RBFOX3: variants seen among roughly 807,000 people sequenced by gnomAD.
The protein encoded by RBFOX3 is RNA binding fox-1 homolog 3, also known as RNA binding protein fox-1 homolog 3.
Under a neutral mutation model 48.7 loss-of-function variants are expected in RBFOX3, and 17 were observed. That is an observed-to-expected ratio of 0.35 (90% CI 0.24 to 0.52). RBFOX3 has a LOEUF of 0.52. Among genes scored for constraint, RBFOX3 ranks in the 20% least tolerant of loss-of-function variants. The pLI is 0.94. For missense variants in RBFOX3, 382 were observed against 497.5 expected (o/e 0.77, Z 2.21); for synonymous variants, 212 against 209.5 (o/e 1.01, Z -0.10).
At chr17:79,451,481 A>T (rs2073498078) in intron 2 of RBFOX3, among the ~76,000 whole-genome samples, 1 of 152,192 alleles carries the variant, frequency 6.6e-6, no homozygotes, top group Admixed American at 6.5e-5. Context: ...CCTAGAGACA[A>T]ATCTCTTCAC....
rs2064180217 is a variant in RBFOX3 at position 79,252,805 on chromosome 17, C to T, written c.-73-17000G>A. ...CTTCCTTTTTGGGTCTTCATGTCCA[C>T]AGAGAGTGAGGCGTGGACCCAGGCT... On this transcript the variant is annotated intron_variant, in intron 3 of 14. Transcript: ENST00000693108. The surrounding 1 kb of genome is among the most constrained non-coding windows in gnomAD (Gnocchi z 4.0). Among the ~76,000 whole-genome samples, 6 of 152,190 alleles carry T rather than the reference C, an allele frequency of 3.9e-5. No individual in the cohort carries two copies. The highest frequency in any genetic ancestry group is 3.9e-4 in the Admixed American group (6 of 15,276).
At chr17:79,223,541 A>G (rs1271799370) in intron 4 of RBFOX3, among the ~76,000 whole-genome samples, 2 of 152,228 alleles carry the variant, frequency 1.3e-5, no homozygotes, top group Non-Finnish European at 2.9e-5. Flanking sequence ...AGATCCTGGC[A>G]TGGAAACCCG....
rs1055536160 is a variant in RBFOX3, at chr17:79,230,548, G to C, written c.-34+5218C>G. 2.4e-4 allele frequency among the ~76,000 whole-genome samples: 37 copies of C among 152,052 alleles called. 1 individual carries two copies. Among genetic ancestry groups the C allele is most frequent in the African/African-American group, 4.6e-4 (19 of 41,404 alleles). On this transcript the variant is annotated intron_variant, in intron 4 of 14. Transcript: ENST00000693108. ...TGCTGGGATTACAGGGGTGAGCCAC[G>C]GCACCCGGCTCTCCTTATTCTTTAC... is the stretch of plus-strand genomic sequence containing the variant.
chr17:79,638,251 T>C, the RBFOX3 span, among the ~76,000 whole-genome samples: 1 of 144,068 alleles, frequency 6.9e-6, no homozygotes, highest in Non-Finnish European at 1.5e-5. Flanking sequence ...AGAGCAGACA[T>C]AAGTCAAATA....
At chr17:79,621,282 AG>A in the RBFOX3 span, among the ~76,000 whole-genome samples, 1 of 151,982 alleles carries the variant, frequency 6.6e-6, no homozygotes, top group African/African-American at 2.4e-5. Context: ...TACAGGTGTG[AG>A]CCACCACGCC....
At chr17:79,206,349 A>G (rs1325953585) in intron 4 of RBFOX3, among the ~76,000 whole-genome samples, 1 of 152,192 alleles carries the variant, frequency 6.6e-6, no homozygotes, top group African/African-American at 2.4e-5. Context: ...CGAGGGCTCT[A>G]TAGCAGGTCC....
chr17:79,207,973 C>T (rs368441089), intron 4 of RBFOX3, among the ~76,000 whole-genome samples: 6 of 152,270 alleles, frequency 3.9e-5, no homozygotes, highest in East Asian at 3.9e-4. Flanking sequence ...TCCGGGACCG[C>T]GGGAGCCTCG....
At chr17:79,614,142 C>A (rs1212554650), upstream of RBFOX3, among the ~76,000 whole-genome samples, 1 of 152,228 alleles carries the variant, frequency 6.6e-6, no homozygotes, top group African/African-American at 2.4e-5. Context: ...ACAATGGAAT[C>A]CCCCGAAGGC....
At chr17:79,448,603 T>C (rs1372723197) in intron 2 of RBFOX3, among the ~76,000 whole-genome samples, 1 of 152,156 alleles carries the variant, frequency 6.6e-6, no homozygotes, top group African/African-American at 2.4e-5. Context: ...AGCACAGCCC[T>C]GCCCACACCT....
At chr17:79,449,730 C>A (rs2073102200) in intron 2 of RBFOX3, among the ~76,000 whole-genome samples, 2 of 151,780 alleles carry the variant, frequency 1.3e-5, no homozygotes, top group African/African-American at 4.8e-5. Context: ...TGGCAGGTGA[C>A]CCCAGCTCTG....
chr17:79,630,806 G>A, the RBFOX3 span, among the ~76,000 whole-genome samples: 6 of 152,088 alleles, frequency 3.9e-5, no homozygotes, highest in South Asian at 2.1e-4. Flanking sequence ...ATAATGCAGC[G>A]GGTCTGCATT....
rs2061438608 is a variant in RBFOX3, at chr17:79,392,040, A to G, written c.-174-84216T>C. Among the ~76,000 whole-genome samples the G allele has an allele frequency of 6.6e-6, 1 of 152,178 alleles. No individual in the cohort carries two copies. Among genetic ancestry groups the G allele is most frequent in the Non-Finnish European group, 1.5e-5 (1 of 68,042 alleles). ...GCTTTCTGCCGTCTTGGAAACAGACACCGACAAGCAACAGGGTTCCCATAG... is the reference window on the plus strand; with the variant it reads ...GCTTTCTGCCGTCTTGGAAACAGACGCCGACAAGCAACAGGGTTCCCATAG... On this transcript the variant is annotated intron_variant, in intron 2 of 14. Coordinates refer to ENST00000693108, the MANE Select transcript of RBFOX3 (RefSeq NM_001350451.2). The surrounding 1 kb of genome is among the most constrained non-coding windows in gnomAD (Gnocchi z 5.0).
At chr17:79,304,123 T>C (rs1301947281) in intron 3 of RBFOX3, among the ~76,000 whole-genome samples, 2 of 152,196 alleles carry the variant, frequency 1.3e-5, no homozygotes, top group Non-Finnish European at 2.9e-5. Flanking sequence ...ATTAATCTTC[T>C]AGTTTCTTAG....
chr17:79,166,160 C>G (rs539681729), intron 4 of RBFOX3, among the ~76,000 whole-genome samples: 1 of 143,080 alleles, frequency 7.0e-6, no homozygotes, highest in Non-Finnish European at 1.5e-5. Flanking sequence ...GTTCCCCCCC[C>G]GGGCAGGTAA....
intron 3 of RBFOX3, among the ~76,000 whole-genome samples, chr17:79,291,319 G>A (rs765630754): frequency 1.4e-4 from 21 of 152,324 alleles, no homozygotes; most frequent in Non-Finnish European, 2.8e-4. Context: ...CTCGCTCTGC[G>A]GTGCCACATT....
At position 79,204,425 on chromosome 17, in the gene RBFOX3, G is replaced by A. The variant is rs2057229887; in HGVS notation, c.-34+31341C>T. Among the ~76,000 whole-genome samples the A allele has an allele frequency of 1.3e-5, 2 of 152,186 alleles. No homozygotes were observed. Among genetic ancestry groups the A allele is most frequent in the South Asian group, 4.1e-4 (2 of 4,832 alleles). ...GTGAAAGTAACTTCTCATGACTCAG[G>A]GCTTAATATCCTGGAAAGGACACGC... On this transcript the variant is annotated intron_variant, in intron 4 of 14. Transcript: ENST00000693108. The surrounding 1 kb of genome is among the most constrained non-coding windows in gnomAD (Gnocchi z 4.5).
intron 2 of RBFOX3, among the ~76,000 whole-genome samples, chr17:79,371,810 CCT>C (rs777740379): frequency 1.7e-4 from 26 of 152,168 alleles, no homozygotes; most frequent in Non-Finnish European, 3.7e-4. Flanking sequence ...TCAGCCGTGC[CCT>C]GAGGGACCTG....
chr17:79,352,466 C>T (rs2084143084), intron 2 of RBFOX3, among the ~76,000 whole-genome samples: 1 of 152,180 alleles, frequency 6.6e-6, no homozygotes, highest in Non-Finnish European at 1.5e-5. Context: ...TTATAAACTA[C>T]TCAGCCTCGG....
At chr17:79,165,397 A>ATGGTT (rs2047789211) in intron 4 of RBFOX3, among the ~76,000 whole-genome samples, 1 of 152,108 alleles carries the variant, frequency 6.6e-6, no homozygotes, top group African/African-American at 2.4e-5. Context: ...TTTGGTTCTC[A>ATGGTT]TTTTAGACTG....
Sources: gnomAD v4.1 joint callset for allele counts (sites outside exome capture counted in the v4.1 genomes callset) on GRCh38, gnomAD v4.1.1 for gene constraint, Gnocchi (gnomAD v3.1) non-coding constraint, MANE v1.5 for transcripts, NCBI Gene and HGNC (gene_info 2026-07-23, HGNC 2026-07-21) for gene names.